The following KATNAL1 variants were observed in gnomAD, a reference collection of about 807,000 sequenced individuals.
The protein encoded by KATNAL1 is katanin p60 ATPase-containing subunit A-like 1.
KATNAL1 carries 32 observed loss-of-function variants against 55.2 expected under a neutral mutation model. That is an observed-to-expected ratio of 0.58 (90% CI 0.44 to 0.78). The LOEUF (loss-of-function observed/expected upper bound fraction) is 0.78, where lower values mean the gene tolerates loss of function less well. Among genes scored for constraint, KATNAL1 ranks in the 30% least tolerant of loss-of-function variants. KATNAL1 has a pLI of 0.00. For synonymous variants in KATNAL1, 193 were observed against 193.6 expected, an observed-to-expected ratio of 1.00 and a Z score of 0.02; for missense variants, 466 against 600.9, an observed-to-expected ratio of 0.78 and a Z score of 2.35.
chr13:30,236,093 TTG>T (rs1433150914), intron 6 of KATNAL1, among the ~76,000 whole-genome samples: 5 of 152,170 alleles, frequency 3.3e-5, no homozygotes, highest in African/African-American at 1.2e-4. Flanking sequence ...GGCTGTCTTG[TTG>T]TCTCTGGGGC....
intron 4 of KATNAL1, among the ~76,000 whole-genome samples, chr13:30,242,398 T>C (rs1339997770): frequency 1.3e-5 from 2 of 152,148 alleles, no homozygotes; most frequent in Non-Finnish European, 2.9e-5. Context: ...ACAGTAAATA[T>C]TTGGGCATCT....
chr13:30,275,146 A>C (rs1880748614), intron 3 of KATNAL1, among the ~76,000 whole-genome samples: 1 of 152,028 alleles, frequency 6.6e-6, no homozygotes, highest in Admixed American at 6.6e-5. Flanking sequence ...GGTTTACTTG[A>C]CTCATAGTTC....
intron 4 of KATNAL1, among the ~76,000 whole-genome samples, chr13:30,248,988 G>A (rs1016507170): frequency 1.3e-5 from 2 of 152,166 alleles, no homozygotes; most frequent in Non-Finnish European, 2.9e-5. Flanking sequence ...GAACGCAGGA[G>A]GCGGAGCTTG....
chr13:30,259,386 G>C (rs1879060228), intron 3 of KATNAL1, among the ~76,000 whole-genome samples: 1 of 152,016 alleles, frequency 6.6e-6, no homozygotes, highest in African/African-American at 2.4e-5. Flanking sequence ...GGCCCAATAG[G>C]AACAGCTCCG....
At chr13:30,279,342 A>G (rs1224253446) in intron 3 of KATNAL1, among the ~76,000 whole-genome samples, 2 of 152,236 alleles carry the variant, frequency 1.3e-5, no homozygotes, top group Non-Finnish European at 2.9e-5. Context: ...GAAGCAACAA[A>G]TAAATGCAAC....
intron 1 of KATNAL1, among the ~76,000 whole-genome samples, chr13:30,302,689 A>C (rs1882933295): frequency 6.6e-6 from 1 of 152,198 alleles, no homozygotes; most frequent in Non-Finnish European, 1.5e-5. Context: ...TTTTTTGGAG[A>C]TGATTTCCTT....
chr13:30,295,182 CATAG>C (rs1446494278), intron 1 of KATNAL1, among the ~76,000 whole-genome samples: 2 of 152,132 alleles, frequency 1.3e-5, no homozygotes, highest in Non-Finnish European at 2.9e-5. Context: ...CTATAGGTGC[CATAG>C]ATAGTGATTT....
intron 4 of KATNAL1, among the ~76,000 whole-genome samples, chr13:30,247,003 A>G (rs1489177337): frequency 6.6e-6 from 1 of 152,206 alleles, no homozygotes; most frequent in Non-Finnish European, 1.5e-5. Flanking sequence ...AGCACTGGAT[A>G]TATATTAACT....
At chr13:30,244,126 T>C (rs1877551486) in intron 4 of KATNAL1, among the ~76,000 whole-genome samples, 1 of 145,342 alleles carries the variant, frequency 6.9e-6, no homozygotes, top group African/African-American at 2.5e-5. Flanking sequence ...TTCCCCTCCC[T>C]GTATCCATGT....
chr13:30,218,272 G>GT (rs918368864), intron 9 of KATNAL1, among the ~76,000 whole-genome samples: 8 of 151,082 alleles, frequency 5.3e-5, no homozygotes, highest in African/African-American at 1.9e-4. Flanking sequence ...GTCACCCCGA[G>GT]TTGAAAGGAC....
rs867189689 is a variant in KATNAL1, at chr13:30,307,461, G to A, written c.-145C>T. On this transcript the variant is annotated 5_prime_UTR_variant, in exon 1 of 11. Coordinates refer to ENST00000380615, the MANE Select transcript of KATNAL1 (RefSeq NM_032116.5). ...TGCGTGAAAAGGCGGCGGCGGCGTA[G>A]TGTTGCCATGGCAGCCGCGGCCGCG... The A allele has an allele frequency of 4.9e-4, 75 of 152,588 alleles. No individual in the cohort carries two copies. The Middle Eastern group carries it at 0.01, about 20-fold the overall frequency. The allele number at this position is 152,588 out of a possible 1,614,324, so 9.5% of individuals were successfully genotyped here. A position where few individuals can be genotyped will look rare whatever the true frequency, so the allele number is the denominator to read the frequency against.
chr13:30,269,244 A>C (rs953709205), intron 3 of KATNAL1, among the ~76,000 whole-genome samples: 1 of 152,046 alleles, frequency 6.6e-6, no homozygotes, highest in Non-Finnish European at 1.5e-5. Flanking sequence ...GCCACGCCTG[A>C]CTGGTTTTCG....
intron 3 of KATNAL1, among the ~76,000 whole-genome samples, chr13:30,263,407 T>C (rs1417621748): frequency 1.3e-5 from 2 of 150,662 alleles, no homozygotes; most frequent in Non-Finnish European, 3.0e-5. Flanking sequence ...GGGTATTCAA[T>C]TAGGAAAAGA....
chr13:30,298,584 C>T (rs1353741209), intron 1 of KATNAL1, among the ~76,000 whole-genome samples: 1 of 151,948 alleles, frequency 6.6e-6, no homozygotes, highest in Non-Finnish European at 1.5e-5. Flanking sequence ...TTTTTAGCTA[C>T]TGTAAAATAA....
rs560611007 is a variant in KATNAL1 at position 30,227,083 on chromosome 13, A to G, written c.1147+329T>C. ...AGAATAAGACTGTGTCACAAAATAA[A>G]TAAATAAATATGTGTACACACACAC... On this transcript the variant is annotated intron_variant, in intron 9 of 10. Coordinates refer to ENST00000380615, the MANE Select transcript of KATNAL1 (RefSeq NM_032116.5). Among the ~76,000 whole-genome samples the G allele has an allele frequency of 2.6e-3, 337 of 130,658 alleles. 2 individuals are homozygous for G. The highest frequency in any genetic ancestry group is 4.5e-3 in the Non-Finnish European group (278 of 62,342). The allele number at this position is 130,658 out of a possible 152,430, so 85.7% of individuals were successfully genotyped here.
In KATNAL1 at chr13:30,275,969, T is replaced by C. The variant is rs118155047; in HGVS notation, c.323+4094A>G. Among the ~76,000 whole-genome samples, 1,049 of 152,290 alleles carry C rather than the reference T, an allele frequency of 6.9e-3. 5 individuals are homozygous for C. The highest frequency in any genetic ancestry group is 0.011 in the Non-Finnish European group (756 of 67,988). On this transcript the variant is annotated intron_variant, in intron 3 of 10. Transcript: ENST00000380615. ...ACTGCTGCAATATAGAAAATACTAC[T>C]TTCATGGCTTCAGGTATTACTGGAA...
At chr13:30,296,415 C>G (rs1255413456) in intron 1 of KATNAL1, 5 of 942,948 alleles carry the variant, frequency 5.3e-6, no homozygotes, top group Non-Finnish European at 8.5e-6. Context: ...ATTAACATCC[C>G]CCGGAAGGAG....
intron 3 of KATNAL1, among the ~76,000 whole-genome samples, chr13:30,265,664 T>C (rs1879705756): frequency 6.6e-6 from 1 of 151,942 alleles, no homozygotes; most frequent in African/African-American, 2.4e-5. Flanking sequence ...TTTTTCTACT[T>C]ATGAGCCTAG....
chr13:30,261,219 C>T (rs1014173799), intron 3 of KATNAL1, among the ~76,000 whole-genome samples: 242 of 151,958 alleles, frequency 1.6e-3, no homozygotes, highest in Admixed American at 7.5e-3. Flanking sequence ...CTTAAGGAAG[C>T]ACTAAACATG....
Sources: allele counts gnomAD v4.1 joint callset (sites outside exome capture counted in the v4.1 genomes callset), GRCh38; gene constraint gnomAD v4.1.1; transcripts MANE v1.5; gene names NCBI Gene and HGNC (gene_info 2026-07-23, HGNC 2026-07-21).